The following CACNG5 variants were observed in gnomAD, a reference collection of about 807,000 sequenced individuals.
CACNG5 encodes the protein voltage-dependent calcium channel gamma-5 subunit.
In CACNG5, 18 loss-of-function variants were observed where a neutral mutation model predicts 24.8. The observed-to-expected ratio is 0.73, with a 90% CI of 0.50 to 1.08. The LOEUF (loss-of-function observed/expected upper bound fraction) is 1.08, where lower values mean the gene tolerates loss of function less well. CACNG5 is among the 50% of genes least tolerant of loss of function. The pLI, the probability that CACNG5 is intolerant of heterozygous loss-of-function variation, is 0.00. For synonymous variants in CACNG5, 157 were observed against 149.1 expected (o/e 1.05, Z -0.39); for missense variants, 349 against 367.9 (o/e 0.95, Z 0.42).
intron 3 of CACNG5, 106 bp from the exon 4 acceptor site, chr17:66,880,451 C>G: frequency 7.1e-7 from 1 of 1,411,202 alleles, no homozygotes; most frequent in Non-Finnish European, 9.8e-7. Context: ...AGGGGTGGGG[C>G]TTTGAGGACC....
At chr17:66,884,814 A>G (rs1598065549) in intron 5 of CACNG5, 153 bp downstream of exon 5, 7 of 1,613,162 alleles carry the variant, frequency 4.3e-6, no homozygotes, top group Non-Finnish European at 5.1e-6. Flanking sequence ...AGAATGTGTC[A>G]CTGTCTTACC....
chr17:66,851,624 T>C (rs1598048057), intron 1 of CACNG5, among the ~76,000 whole-genome samples: 1 of 151,918 alleles, frequency 6.6e-6, no homozygotes, highest in East Asian at 1.9e-4. Flanking sequence ...GAAATAAAGA[T>C]GAACAACAAA....
intron 1 of CACNG5, among the ~76,000 whole-genome samples, chr17:66,857,950 G>A (rs1404367772): frequency 2.6e-5 from 4 of 152,170 alleles, no homozygotes; most frequent in South Asian, 2.1e-4. Context: ...CATGGGCAGC[G>A]GGAATTAAGG....
At chr17:66,850,697 C>T (rs367913474) in intron 1 of CACNG5, among the ~76,000 whole-genome samples, 11 of 152,182 alleles carry the variant, frequency 7.2e-5, no homozygotes, top group East Asian at 5.8e-4. Flanking sequence ...GGCAGGTTTT[C>T]CTCCTCTCCT....
intron 1 of CACNG5, among the ~76,000 whole-genome samples, chr17:66,835,569 T>C (rs1251101452): frequency 6.6e-6 from 1 of 152,144 alleles, no homozygotes; most frequent in East Asian, 1.9e-4. Context: ...AGGGCAGACT[T>C]TTCCACGACG....
At chr17:66,860,085 TG>T (rs1334225770) in intron 1 of CACNG5, among the ~76,000 whole-genome samples, 1 of 152,066 alleles carries the variant, frequency 6.6e-6, no homozygotes, top group Non-Finnish European at 1.5e-5. Context: ...TTTTCAGAAG[TG>T]AGAGTTTTCA....
chr17:66,835,862 C>T (rs1244714961), intron 1 of CACNG5, among the ~76,000 whole-genome samples: 2 of 152,114 alleles, frequency 1.3e-5, no homozygotes, highest in African/African-American at 2.4e-5. Context: ...AGGTGCTGGG[C>T]GTGAGGTGTC....
chr17:66,876,885 G>C (rs895911921), intron 1 of CACNG5, among the ~76,000 whole-genome samples: 8 of 152,132 alleles, frequency 5.3e-5, no homozygotes, highest in Admixed American at 5.2e-4. Context: ...AATTGCTTTG[G>C]GGGTGCCTTT....
intron 4 of CACNG5, among the ~76,000 whole-genome samples, chr17:66,883,899 C>T (rs1369081318): frequency 2.0e-5 from 3 of 152,058 alleles, no homozygotes; most frequent in Non-Finnish European, 4.4e-5. Flanking sequence ...TTTGGGAGGC[C>T]GAGGCTGGCG....
intron 1 of CACNG5, among the ~76,000 whole-genome samples, chr17:66,863,026 C>T (rs1976886262): frequency 6.6e-6 from 1 of 150,752 alleles, no homozygotes; most frequent in Admixed American, 6.6e-5. Context: ...CTTATTATTT[C>T]TTTTCTCCTA....
rs1431772275 is a variant in CACNG5, at chr17:66,890,643, G to A, written c.*5403G>A. Reference sequence around the variant, plus strand: ...GCCCCATCCTTGAAGGTTTGCATGCGTGGGCTCTCTGTCCTGCTGGTTCAG... The same window carrying A: ...GCCCCATCCTTGAAGGTTTGCATGCATGGGCTCTCTGTCCTGCTGGTTCAG... On this transcript the variant is annotated 3_prime_UTR_variant, in exon 6 of 6. Transcript: ENST00000533854. 2.0e-5 allele frequency among the ~76,000 whole-genome samples: 3 copies of A among 152,346 alleles called. No homozygotes were observed. In the East Asian group the frequency reaches 5.8e-4, roughly 29 times the overall value.
At chr17:66,868,257 T>C (rs1210251372) in intron 1 of CACNG5, among the ~76,000 whole-genome samples, 1 of 152,162 alleles carries the variant, frequency 6.6e-6, no homozygotes, top group East Asian at 1.9e-4. Flanking sequence ...GAAAGTTGTA[T>C]TAGACACTGA....
intron 1 of CACNG5, among the ~76,000 whole-genome samples, chr17:66,873,052 C>T (rs1977031821): frequency 1.3e-5 from 2 of 152,134 alleles, no homozygotes; most frequent in Non-Finnish European, 1.5e-5. Context: ...GCCTACGGCT[C>T]ACCTGTGCTT....
rs904612765 is a variant in CACNG5 at position 66,877,497 on chromosome 17, C to T, written c.165C>T (p.His55=). Residue 55 remains histidine (H), a synonymous_variant, in exon 2 of 6, where the codon CAC becomes CAT. Coordinates refer to ENST00000533854, the MANE Select transcript of CACNG5 (RefSeq NM_145811.3). ...NQSTEIKMSL[H]SGLWRVCFLA... Reference sequence around the variant, plus strand: ...GCACCGAGATCAAGATGTCCCTGCACTCAGGCCTCTGGCGGGTCTGCTTCC... The same window carrying T: ...GCACCGAGATCAAGATGTCCCTGCATTCAGGCCTCTGGCGGGTCTGCTTCC... 6.2e-7 allele frequency: 1 copy of T among 1,613,854 alleles called. No homozygotes were observed. The highest frequency in any genetic ancestry group is 8.5e-7 in the Non-Finnish European group (1 of 1,179,994).
intron 1 of CACNG5, among the ~76,000 whole-genome samples, chr17:66,852,757 A>G (rs1976722209): frequency 6.6e-6 from 1 of 152,120 alleles, no homozygotes; most frequent in Admixed American, 6.5e-5. Flanking sequence ...TGGCTCTTCT[A>G]CAAGTTCATA....
At chr17:66,884,449 G>A in intron 4 of CACNG5, 67 bp from the exon 5 acceptor site, 1 of 1,514,590 alleles carries the variant, frequency 6.6e-7, no homozygotes, top group Non-Finnish European at 8.9e-7. Flanking sequence ...AAGGGAGGTG[G>A]GTGCCACCTC....
intron 1 of CACNG5, among the ~76,000 whole-genome samples, chr17:66,872,226 A>G (rs1309576464): frequency 2.0e-5 from 3 of 152,216 alleles, no homozygotes; most frequent in African/African-American, 4.8e-5. Context: ...GTTGCATTCA[A>G]CTTCATTAAT....
chr17:66,881,029 G>A (rs1977152254), intron 4 of CACNG5, among the ~76,000 whole-genome samples: 1 of 152,212 alleles, frequency 6.6e-6, no homozygotes, highest in African/African-American at 2.4e-5. Context: ...ATGAGCCACT[G>A]TGCCCAGCCA....
Position 66,877,343 on chromosome 17 carries a change from G to A in CACNG5, c.11G>A (p.Cys4Tyr), listed in dbSNP as rs1166394314. Residue 4 changes from cysteine (C) to tyrosine (Y), a missense_variant, in exon 2 of 6, where the codon TGC (cysteine) becomes TAC (tyrosine). Coordinates refer to ENST00000533854, the MANE Select transcript of CACNG5 (RefSeq NM_145811.3). The part of the protein sequence containing the change: MSA[C>Y]GRKALTLLSS... Reference sequence around the variant, plus strand: ...CAACGGTCCAGGAAGATGAGTGCCTGCGGGAGGAAGGCCCTGACCCTGCTG... The same window carrying A: ...CAACGGTCCAGGAAGATGAGTGCCTACGGGAGGAAGGCCCTGACCCTGCTG... 6.2e-7 allele frequency: 1 copy of A among 1,613,860 alleles called. No individual in the cohort carries two copies.
Sources: gnomAD v4.1 joint callset for allele counts (sites outside exome capture counted in the v4.1 genomes callset) on GRCh38, gnomAD v4.1.1 for gene constraint, MANE v1.5 for transcripts, NCBI Gene and HGNC (gene_info 2026-07-23, HGNC 2026-07-21) for gene names.